PROC: variants seen among roughly 807,000 people sequenced by gnomAD.
PROC encodes the protein protein C, inactivator of coagulation factors Va and VIIIa, also known as vitamin K-dependent protein C.
A neutral mutation model predicts 36.3 loss-of-function variants in PROC; 22 were observed. That is an observed-to-expected ratio of 0.61 (90% confidence interval 0.43 to 0.86). The LOEUF (loss-of-function observed/expected upper bound fraction) is 0.86, where lower values mean the gene tolerates loss of function less well. Among genes scored for constraint, PROC ranks in the 40% least tolerant of loss-of-function variants. PROC has a pLI of 0.00. For synonymous variants in PROC, 218 were observed against 244.5 expected, an observed-to-expected ratio of 0.89 and a Z score of 1.01; for missense variants, 526 against 629.7, an observed-to-expected ratio of 0.84 and a Z score of 1.76.
chr2:127,426,139 T>C lies in PROC; in HGVS notation c.590T>C (p.Leu197Pro), dbSNP rs762098236. ...CGGATGGAGAAGAAGCGCAGTCACC[T>C]GAAACGAGACACAGAAGACCAAGAA... The part of the protein sequence containing the change: ...WKRMEKKRSH[L>P]KRDTEDQEDQ... Residue 197 changes from leucine to proline, a missense_variant, in exon 7 of 9, where the codon CTG becomes CCG. By Grantham distance (98) the Leu-to-Pro change is moderately conservative. Coordinates refer to ENST00000234071, the MANE Select transcript of PROC (RefSeq NM_000312.4). This position sits in a 1 kb window ranked among gnomAD's most constrained non-coding sequence, Gnocchi z 7.0. The C allele has an allele frequency of 6.2e-7, 1 of 1,614,058 alleles. No individual in the cohort carries two copies. Among genetic ancestry groups the C allele is most frequent in the Non-Finnish European group, 8.5e-7 (1 of 1,180,026 alleles).
At chr2:127,419,047 G>A (rs1179952149) in intron 1 of PROC, among the ~76,000 whole-genome samples, 1 of 152,180 alleles carries the variant, frequency 6.6e-6, no homozygotes, top group East Asian at 1.9e-4. Flanking sequence ...TGTAAACATG[G>A]AGACCCAGGA....
chr2:127,423,920 T>TA (rs1334701768), intron 6 of PROC, among the ~76,000 whole-genome samples: 4 of 152,240 alleles, frequency 2.6e-5, no homozygotes, highest in African/African-American at 9.6e-5. Context: ...TATGAAACTT[T>TA]AAAAATCAGA....
In PROC at chr2:127,426,655, A is replaced by ATT. The variant is rs1353166875; in HGVS notation, c.678+430_678+431dup. The ATT allele has an allele frequency of 3.1e-6, 1 of 327,808 alleles. No homozygotes were observed. The highest frequency in any genetic ancestry group is 2.1e-5 in the African/African-American group (1 of 46,768). The allele number at this position is 327,808 out of a possible 1,614,324, so 20.3% of individuals were successfully genotyped here. On this transcript the variant is annotated intron_variant, in intron 7 of 8. Coordinates refer to ENST00000234071, the MANE Select transcript of PROC (RefSeq NM_000312.4). The surrounding 1 kb of genome is among the most constrained non-coding windows in gnomAD (Gnocchi z 7.0). ...GAGATAGGAACCAACAAGTGGGAGT[A>ATT]TTTGCCCTGGGGACTCAGACTCTGC...
rs1177775791 is a variant in PROC at position 127,426,439 on chromosome 2, T to C, written c.678+212T>C. 1.6e-6 allele frequency: 1 copy of C among 622,496 alleles called. No individual in the cohort carries two copies. Among genetic ancestry groups the C allele is most frequent in the East Asian group, 2.8e-5 (1 of 35,724 alleles). The allele number at this position is 622,496 out of a possible 1,614,324, so 38.6% of individuals were successfully genotyped here. On this transcript the variant is annotated intron_variant, in intron 7 of 8. Coordinates refer to ENST00000234071, the MANE Select transcript of PROC (RefSeq NM_000312.4). This position sits in a 1 kb window ranked among gnomAD's most constrained non-coding sequence, Gnocchi z 7.0. The stretch of plus-strand genomic sequence containing the variant: ...GGGTGAGGGGAGGGGCATGGGGGCA[T>C]GGAGGGGTCTGCAGGAGGGAGGGTT...
intron 3 of PROC, 127 bp from the exon 4 acceptor site, chr2:127,422,790 G>T (rs555385255): frequency 3.0e-6 from 4 of 1,313,358 alleles, no homozygotes; most frequent in South Asian, 1.3e-5. Context: ...CGACCATCGG[G>T]CGTCGATCCC....
At chr2:127,423,548 A>T in intron 6 of PROC, 140 bp downstream of exon 6, 1 of 1,169,926 alleles carries the variant, frequency 8.5e-7, no homozygotes, top group Non-Finnish European at 1.1e-6. Context: ...GGGCAGCGGC[A>T]GACGCGCCCC....
chr2:127,422,329 A>G (rs563940464), intron 3 of PROC, among the ~76,000 whole-genome samples: 3 of 152,298 alleles, frequency 2.0e-5, no homozygotes, highest in East Asian at 1.9e-4. Flanking sequence ...CACCTCACCC[A>G]TGGTCTCTCA....
In PROC at chr2:127,423,363, C is replaced by T. The variant is rs1379216362; in HGVS notation, c.490C>T (p.Pro164Ser). ...GGGCTGGCGGCGCTGTAGCTGTGCG[C>T]CTGGCTACAAGCTGGGGGACGACCT... ...EVGWRRCSCA[P>S]GYKLGDDLLQ... The change falls in exon 6 of 9, where the codon CCT (proline) becomes TCT (serine). Residue 164 changes from proline to serine, a missense_variant. Pro to Ser is a moderately conservative substitution (Grantham distance 74). Transcript: ENST00000234071. 6 of 1,550,412 alleles carry T rather than the reference C, an allele frequency of 3.9e-6. No individual in the cohort carries two copies. The highest frequency in any genetic ancestry group is 5.2e-6 in the Non-Finnish European group (6 of 1,147,212).
Position 127,422,917 on chromosome 2 carries a change from C to T in PROC, c.238C>T (p.Leu80=), listed in dbSNP as rs1433950308. 2 of 1,570,150 alleles carry T rather than the reference C, an allele frequency of 1.3e-6. No individual in the cohort carries two copies. Among genetic ancestry groups the T allele is most frequent in the Non-Finnish European group, 1.7e-6 (2 of 1,158,784 alleles). Residue 80 remains leucine (L), a splice_region_variant and synonymous_variant, in exon 4 of 9, where the codon CTG becomes TTG. Transcript: ENST00000234071. The stretch of plus-strand genomic sequence containing the variant: ...CTGACGCTGCCCGCTCTCTCCGCAG[C>T]TGGCCTTCTGGTCCAAGCACGTCGG... ...KEIFQNVDDT[L]AFWSKHVDGD...
At chr2:127,422,862 G>A (rs1005197028) in intron 3 of PROC, 55 bp from the exon 4 acceptor site, 1 of 1,545,052 alleles carries the variant, frequency 6.5e-7, no homozygotes, top group East Asian at 2.4e-5. Context: ...CCACCCGGGC[G>A]CGCCCCCTCC....
Position 127,429,029 on chromosome 2 carries a change from T to C in PROC, c.*83T>C. The stretch of plus-strand genomic sequence containing the variant: ...ATGTAACAAGCACACCGGCCTGCTG[T>C]TCTGTCCTTCCATCCCTCTTTTGGG... On this transcript the variant is annotated 3_prime_UTR_variant, in exon 9 of 9. Coordinates refer to ENST00000234071, the MANE Select transcript of PROC (RefSeq NM_000312.4). 6.7e-7 allele frequency: 1 copy of C among 1,490,122 alleles called. No individual in the cohort carries two copies. The highest frequency in any genetic ancestry group is 1.1e-5 in the South Asian group (1 of 87,514). The allele number at this position is 1,490,122 out of a possible 1,614,324, so 92.3% of individuals were successfully genotyped here. A position where few individuals can be genotyped will look rare whatever the true frequency, so the allele number is the denominator to read the frequency against.
Position 127,418,684 on chromosome 2 carries a change from G to A in PROC, c.-22+192G>A, listed in dbSNP as rs144184278. Among the ~76,000 whole-genome samples the A allele has an allele frequency of 3.7e-3, 557 of 152,282 alleles. 1 individual carries two copies. Among genetic ancestry groups the A allele is most frequent in the Non-Finnish European group, 5.2e-3 (353 of 68,026 alleles). ...ACAGTCTCAGGTCCCTTTGCCATGC[G>A]CCTCCCTCTTTCCAGGCCAAGGGTC... On this transcript the variant is annotated intron_variant, in intron 1 of 8. Coordinates refer to ENST00000234071, the MANE Select transcript of PROC (RefSeq NM_000312.4). The surrounding 1 kb of genome is among the most constrained non-coding windows in gnomAD (Gnocchi z 4.8).
chr2:127,424,125 C>T (rs369169297), intron 6 of PROC, among the ~76,000 whole-genome samples: 57 of 152,182 alleles, frequency 3.7e-4, no homozygotes, highest in African/African-American at 1.2e-3. Flanking sequence ...TTATTCAGAC[C>T]TCTTTCCTCT....
intron 2 of PROC, 47 bp from the exon 3 acceptor site, chr2:127,421,235 CT>C (rs1688071198): frequency 1.9e-6 from 3 of 1,607,978 alleles, no homozygotes; most frequent in Non-Finnish European, 2.6e-6. Context: ...GCCCCAGCCC[CT>C]CTTAGGCCCC....
Position 127,426,728 on chromosome 2 carries a change from G to A in PROC, c.679-377G>A, listed in dbSNP as rs1688526263. Among the ~76,000 whole-genome samples the A allele has an allele frequency of 1.3e-5, 2 of 152,194 alleles. No homozygotes were observed. The highest frequency in any genetic ancestry group is 6.5e-5 in the Admixed American group (1 of 15,290). On this transcript the variant is annotated intron_variant, in intron 7 of 8. Coordinates refer to ENST00000234071, the MANE Select transcript of PROC (RefSeq NM_000312.4). This position sits in a 1 kb window ranked among gnomAD's most constrained non-coding sequence, Gnocchi z 7.0. The stretch of plus-strand genomic sequence containing the variant: ...CGGCAGCCCAGTGGGACCACAGCCA[G>A]GACGGCCCTTCAAGATAGGGGCTGA...
In PROC at chr2:127,429,063, G is replaced by A. The variant is rs1042759; in HGVS notation, c.*117G>A. On this transcript the variant is annotated 3_prime_UTR_variant, in exon 9 of 9. Coordinates refer to ENST00000234071, the MANE Select transcript of PROC (RefSeq NM_000312.4). ...TCCATCCCTCTTTTGGGCTCTTCTG[G>A]AGGGAAGTAACATTTACTGAGCACC... 8.5e-7 allele frequency: 1 copy of A among 1,183,280 alleles called. No individual in the cohort carries two copies. Among genetic ancestry groups the A allele is most frequent in the Middle Eastern group, 2.0e-4 (1 of 5,102 alleles). 73.3% of individuals were successfully genotyped at this position (1,183,280 alleles called of 1,614,324 possible). A position where few individuals can be genotyped will look rare whatever the true frequency, so the allele number is the denominator to read the frequency against.
At position 127,426,347 on chromosome 2, in the gene PROC, A is replaced by G. The variant is rs1688498036; in HGVS notation, c.678+120A>G. ...GAAGCGCTGCCATTGCGTTTGGGGG[A>G]TGATGAAGGTGGGGGATGCTTCAGG... is the stretch of plus-strand genomic sequence containing the variant. On this transcript the variant is annotated intron_variant, in intron 7 of 8. Transcript: ENST00000234071. The surrounding 1 kb of genome is among the most constrained non-coding windows in gnomAD (Gnocchi z 7.0). The G allele has an allele frequency of 3.7e-6, 5 of 1,340,110 alleles. No individual in the cohort carries two copies. The highest frequency in any genetic ancestry group is 5.1e-6 in the Non-Finnish European group (5 of 974,486). 83.0% of individuals were successfully genotyped at this position (1,340,110 alleles called of 1,614,324 possible).
chr2:127,428,948 G>C lies in PROC; in HGVS notation c.*2G>C. ...CCCCAGAAGAGCTGGGCACCTTAGC[G>C]ACCCTCCCTGCAGGGCTGGGCTTTT... On this transcript the variant is annotated 3_prime_UTR_variant, in exon 9 of 9. Coordinates refer to ENST00000234071, the MANE Select transcript of PROC (RefSeq NM_000312.4). 1 of 1,613,746 alleles carries C rather than the reference G, an allele frequency of 6.2e-7. No individual in the cohort carries two copies. Among genetic ancestry groups the C allele is most frequent in the Non-Finnish European group, 8.5e-7 (1 of 1,180,004 alleles).
chr2:127,427,259 G>T, intron 8 of PROC, 37 bp downstream of exon 8: 2 of 1,574,032 alleles, frequency 1.3e-6, no homozygotes, highest in Non-Finnish European at 1.7e-6. Context: ...GGCTGCCAGA[G>T]GCCTGGGTAG....
Sources: gnomAD v4.1 joint callset for allele counts (sites outside exome capture counted in the v4.1 genomes callset) on GRCh38, gnomAD v4.1.1 for gene constraint, Gnocchi (gnomAD v3.1) non-coding constraint, MANE v1.5 for transcripts, NCBI Gene and HGNC (gene_info 2026-07-23, HGNC 2026-07-21) for gene names.